RUVBL1: variants seen among roughly 807,000 people sequenced by gnomAD.
RUVBL1 encodes the protein RuvB like AAA ATPase 1.
A neutral mutation model predicts 52.4 loss-of-function variants in RUVBL1; 4 were observed. The observed-to-expected ratio is 0.08, with a 90% confidence interval of 0.04 to 0.17. The LOEUF (loss-of-function observed/expected upper bound fraction) is 0.17, where lower values mean the gene tolerates loss of function less well. Among genes scored for constraint, RUVBL1 ranks in the 10% least tolerant of loss-of-function variants. The probability of loss-of-function intolerance (pLI) is 1.00; values close to 1 mark genes in which losing one functional copy is unlikely to be tolerated. For synonymous variants in RUVBL1, 217 were observed against 214.4 expected (o/e 1.01, Z -0.10); for missense variants, 298 against 572.8 (o/e 0.52, Z 4.90).
chr3:128,122,347 A>G (rs1444944675), intron 1 of RUVBL1, among the ~76,000 whole-genome samples: 1 of 152,260 alleles, frequency 6.6e-6, no homozygotes, highest in East Asian at 1.9e-4. Flanking sequence ...GCAGCACAGT[A>G]AAATGTTAAT....
intron 8 of RUVBL1, among the ~76,000 whole-genome samples, chr3:128,093,295 G>A (rs1279280023): frequency 6.6e-6 from 1 of 152,190 alleles, no homozygotes; most frequent in Non-Finnish European, 1.5e-5. Flanking sequence ...AATCTATAGA[G>A]ACAAAATTGA....
chr3:128,153,642 C>T, exon 1 of RUVBL1: 1 of 1,598,354 alleles, frequency 6.3e-7, no homozygotes. Flanking sequence ...GCCGCGAGCG[C>T]GGCATCACGC....
chr3:128,150,614 AAT>A (rs200745338), intron 1 of RUVBL1, among the ~76,000 whole-genome samples: 4 of 131,138 alleles, frequency 3.1e-5, no homozygotes, highest in South Asian at 2.2e-4. Flanking sequence ...GAACTAATAG[AAT>A]ATATATTCTA....
rs546603392 is a variant in RUVBL1, at chr3:128,082,163, T to C, written c.1211+320A>G. 1.2e-3 allele frequency: 302 copies of C among 244,898 alleles called. 1 individual carries two copies. The highest frequency in any genetic ancestry group is 6.3e-3 in the African/African-American group (279 of 43,978). 15.2% of individuals were successfully genotyped at this position (244,898 alleles called of 1,614,324 possible). A position where few individuals can be genotyped will look rare whatever the true frequency, so the allele number is the denominator to read the frequency against. ...GAACAGGAGCCAGGGCCCTGGCTAA[T>C]GAGCTACCACATGGTCCCTGCTCTC... On this transcript the variant is annotated intron_variant, in intron 10 of 10. Coordinates refer to ENST00000322623, the MANE Select transcript of RUVBL1 (RefSeq NM_003707.3). The surrounding 1 kb of genome is among the most constrained non-coding windows in gnomAD (Gnocchi z 4.7).
In RUVBL1 at chr3:128,081,394, C is replaced by T. The variant is rs759517387; in HGVS notation, c.1227G>A (p.Leu409=). 2 of 1,614,052 alleles carry T rather than the reference C, an allele frequency of 1.2e-6. No individual in the cohort carries two copies. Among genetic ancestry groups the T allele is most frequent in the Non-Finnish European group, 1.7e-6 (2 of 1,179,910 alleles). The change falls in exon 11 of 11, where the codon CTG becomes CTA. Residue 409 remains leucine (L), a synonymous_variant. Transcript: ENST00000322623. The surrounding 1 kb of genome is among the most constrained non-coding windows in gnomAD (Gnocchi z 4.8). ...TAGCAAGCAAGTTGGCCGGGGTCAGCAGCTGCACTGAGTACCTAGAGTGGA... is the reference window on the plus strand; with the variant it reads ...TAGCAAGCAAGTTGGCCGGGGTCAGTAGCTGCACTGAGTACCTAGAGTGGA... The part of the protein sequence containing the change: ...TKTTLRYSVQ[L]LTPANLLAKI...
intron 8 of RUVBL1, among the ~76,000 whole-genome samples, chr3:128,093,201 T>C (rs1942887156): frequency 6.6e-6 from 1 of 152,236 alleles, no homozygotes; most frequent in African/African-American, 2.4e-5. Context: ...CTACGCATGC[T>C]ACAGCATCAT....
chr3:128,109,262 T>C (rs1056096300), intron 3 of RUVBL1, among the ~76,000 whole-genome samples: 6 of 152,182 alleles, frequency 3.9e-5, no homozygotes, highest in African/African-American at 1.4e-4. Flanking sequence ...AAACTGGCAC[T>C]GGGATGGGTG....
chr3:128,079,481 G>A (rs1438546226), downstream of RUVBL1, among the ~76,000 whole-genome samples: 1 of 152,210 alleles, frequency 6.6e-6, no homozygotes. Flanking sequence ...AACATGGAAC[G>A]CAGAGTGTGA....
upstream of RUVBL1, among the ~76,000 whole-genome samples, chr3:128,124,070 C>T (rs1175323786): frequency 3.9e-5 from 6 of 152,138 alleles, no homozygotes; most frequent in African/African-American, 1.4e-4. Flanking sequence ...CCCCGGGTAC[C>T]ACTCCTAATC....
chr3:128,066,394 G>T (rs1296224508), intron 9 of RUVBL1, among the ~76,000 whole-genome samples: 1 of 152,024 alleles, frequency 6.6e-6, no homozygotes, highest in East Asian at 1.9e-4. Flanking sequence ...AAAAAAGTGG[G>T]GGTGGGGATC....
intron 9 of RUVBL1, among the ~76,000 whole-genome samples, chr3:128,066,007 G>C (rs989951164): frequency 2.0e-5 from 3 of 152,112 alleles, no homozygotes; most frequent in South Asian, 4.1e-4. Context: ...ATTACAAAGC[G>C]CTGGGATTAC....
intron 1 of RUVBL1, among the ~76,000 whole-genome samples, chr3:128,145,295 G>A (rs1274198098): frequency 1.3e-5 from 2 of 152,182 alleles, no homozygotes; most frequent in East Asian, 1.9e-4. Context: ...AAGCAGTTTT[G>A]TAATGTGCCC....
At chr3:128,069,418 G>T in intron 9 of RUVBL1, 4 of 1,531,220 alleles carry the variant, frequency 2.6e-6, no homozygotes, top group Non-Finnish European at 3.5e-6. Flanking sequence ...CCTGTTGGCC[G>T]CCTGGCTCAC....
intron 8 of RUVBL1, among the ~76,000 whole-genome samples, chr3:128,092,706 G>A (rs555739903): frequency 6.6e-6 from 1 of 152,258 alleles, no homozygotes; most frequent in African/African-American, 2.4e-5. Context: ...GACAAGTGTT[G>A]GCAAGAATGT....
intron 9 of RUVBL1, among the ~76,000 whole-genome samples, chr3:128,069,102 G>A (rs1324337690): frequency 6.6e-6 from 1 of 152,136 alleles, no homozygotes; most frequent in Non-Finnish European, 1.5e-5. Flanking sequence ...CATTAAAAAA[G>A]TAAAAAGAAA....
chr3:128,137,407 T>G (rs1943963751), intron 1 of RUVBL1, among the ~76,000 whole-genome samples: 1 of 152,160 alleles, frequency 6.6e-6, no homozygotes, highest in Non-Finnish European at 1.5e-5. Flanking sequence ...GCAACTACTA[T>G]GAACAACTAT....
intron 1 of RUVBL1, among the ~76,000 whole-genome samples, chr3:128,148,307 T>G (rs1944134140): frequency 6.6e-6 from 1 of 152,122 alleles, no homozygotes; most frequent in African/African-American, 2.4e-5. Flanking sequence ...CAGAGGGGAT[T>G]GGATTCTAAG....
At chr3:128,141,964 G>A (rs1944029503) in intron 1 of RUVBL1, 1 of 152,166 alleles carries the variant, frequency 6.6e-6, no homozygotes, top group Non-Finnish European at 1.5e-5. Context: ...TATATGTGCT[G>A]CTGAAGAGAG....
At chr3:128,111,120 G>A (rs1199215785) in intron 3 of RUVBL1, among the ~76,000 whole-genome samples, 2 of 151,732 alleles carry the variant, frequency 1.3e-5, no homozygotes, top group Non-Finnish European at 2.9e-5. Flanking sequence ...AGCTATTCAG[G>A]AGGCTGAGGC....
Sources: gnomAD v4.1 joint callset for allele counts (sites outside exome capture counted in the v4.1 genomes callset) on GRCh38, gnomAD v4.1.1 for gene constraint, Gnocchi (gnomAD v3.1) non-coding constraint, MANE v1.5 for transcripts, NCBI Gene and HGNC (gene_info 2026-07-23, HGNC 2026-07-21) for gene names.